CNTN5: variants seen among roughly 807,000 people sequenced by gnomAD.
The protein encoded by CNTN5 is contactin 5, also known as contactin-5.
CNTN5 carries 77 observed loss-of-function variants against 129.1 expected under a neutral mutation model. The observed-to-expected ratio is 0.60, with a 90% CI of 0.50 to 0.72. The LOEUF is 0.72. CNTN5 is among the 30% of genes least tolerant of loss of function. The pLI is 0.00. For missense variants in CNTN5, 1,478 were observed against 1,328.8 expected, an observed-to-expected ratio of 1.11 and a Z score of -1.75; for synonymous variants, 509 against 465.6, an observed-to-expected ratio of 1.09 and a Z score of -1.20.
intron 20 of CNTN5, among the ~76,000 whole-genome samples, chr11:100,306,120 GTCAT>G (rs1455065194): frequency 6.6e-6 from 1 of 151,476 alleles, no homozygotes; most frequent in Non-Finnish European, 1.5e-5. Flanking sequence ...TTGATTCACT[GTCAT>G]TCAGTTATAT....
chr11:99,902,165 T>C (rs746786079), intron 6 of CNTN5, among the ~76,000 whole-genome samples: 1 of 152,030 alleles, frequency 6.6e-6, no homozygotes. Context: ...ATTAGTAACC[T>C]TTTCTACTCC....
chr11:99,423,118 CAT>C (rs1368072947), intron 2 of CNTN5, among the ~76,000 whole-genome samples: 1 of 152,142 alleles, frequency 6.6e-6, no homozygotes. Flanking sequence ...CATATCATTA[CAT>C]ATGTCTTTTC....
At chr11:99,142,375 C>A (rs1464739546) in intron 1 of CNTN5, among the ~76,000 whole-genome samples, 3 of 151,976 alleles carry the variant, frequency 2.0e-5, no homozygotes, top group African/African-American at 7.3e-5. Context: ...TGAGTGCATG[C>A]CGGCAAAGCA....
rs533282740 is a variant in CNTN5, at chr11:99,724,490, A to T, written c.56-95054A>T. On this transcript the variant is annotated intron_variant, in intron 3 of 24. Coordinates refer to ENST00000524871, the MANE Select transcript of CNTN5 (RefSeq NM_014361.4). ...AGTCTTGGAGTGCTCAATGCCAAAC[A>T]TTGTTCTAAGCCATTACATATGTTA... Among the ~76,000 whole-genome samples the T allele has an allele frequency of 2.6e-5, 4 of 152,290 alleles. No individual in the cohort carries two copies. The East Asian group carries it at 7.7e-4, about 29-fold the overall frequency.
chr11:100,188,974 G>A (rs148744906), intron 13 of CNTN5, among the ~76,000 whole-genome samples: 6 of 152,146 alleles, frequency 3.9e-5, no homozygotes, highest in East Asian at 1.9e-4. Flanking sequence ...GAATTAACAC[G>A]GCAACAGAAA....
chr11:99,757,148 T>C (rs370236508), intron 3 of CNTN5, among the ~76,000 whole-genome samples: 3 of 152,044 alleles, frequency 2.0e-5, no homozygotes, highest in East Asian at 1.9e-4. Flanking sequence ...CATTCGTTTC[T>C]CTTAGCTTCT....
chr11:100,096,424 A>G lies in CNTN5; in HGVS notation c.1580+22130A>G, dbSNP rs377348981. 7.2e-5 allele frequency among the ~76,000 whole-genome samples: 11 copies of G among 152,030 alleles called. No homozygotes were observed. The East Asian group carries it at 1.2e-3, about 16-fold the overall frequency. On this transcript the variant is annotated intron_variant, in intron 13 of 24. Transcript: ENST00000524871. Reference sequence around the variant, plus strand: ...CACTGATATATACCCGTATTCTGGGATAGTCCGTCTACTCGCACCTTTTGC... The same window carrying G: ...CACTGATATATACCCGTATTCTGGGGTAGTCCGTCTACTCGCACCTTTTGC...
chr11:100,208,115 CTGTAACT>C (rs545136879), intron 15 of CNTN5, among the ~76,000 whole-genome samples: 13 of 152,072 alleles, frequency 8.5e-5, no homozygotes, highest in Non-Finnish European at 1.5e-4. Context: ...TGCTCATCTG[CTGTAACT>C]ATAGGAAAGG....
intron 1 of CNTN5, among the ~76,000 whole-genome samples, chr11:99,176,252 C>A (rs1857766812): frequency 6.6e-6 from 1 of 152,042 alleles, no homozygotes. Context: ...CTGTCCCAGA[C>A]CGAGAGGTTA....
intron 3 of CNTN5, among the ~76,000 whole-genome samples, chr11:99,689,304 G>A (rs991145432): frequency 2.0e-5 from 3 of 151,964 alleles, no homozygotes; most frequent in Non-Finnish European, 4.4e-5. Flanking sequence ...AAGGCGGGCA[G>A]ATCACAAGGT....
At chr11:99,760,906 T>C (rs543920339) in intron 3 of CNTN5, among the ~76,000 whole-genome samples, 1 of 152,258 alleles carries the variant, frequency 6.6e-6, no homozygotes, top group South Asian at 2.1e-4. Context: ...CATCACTGTA[T>C]ATAATTTTTT....
intron 2 of CNTN5, among the ~76,000 whole-genome samples, chr11:99,517,835 A>G (rs1947116664): frequency 6.6e-6 from 1 of 152,030 alleles, no homozygotes; most frequent in African/African-American, 2.4e-5. Flanking sequence ...TTTTTCTTTG[A>G]TCGTTAGTCT....
chr11:99,165,176 AGTT>A (rs1032978084), intron 1 of CNTN5, among the ~76,000 whole-genome samples: 11 of 152,338 alleles, frequency 7.2e-5, no homozygotes, highest in African/African-American at 2.6e-4. Flanking sequence ...TAAATCTGAT[AGTT>A]GTTGTGATTG....
chr11:99,092,234 A>G (rs1034505301), intron 1 of CNTN5, among the ~76,000 whole-genome samples: 1 of 152,134 alleles, frequency 6.6e-6, no homozygotes, highest in Non-Finnish European at 1.5e-5. Context: ...TTTATCTTAG[A>G]AAAGTTAATC....
chr11:99,840,145 T>C (rs141473656), intron 4 of CNTN5, among the ~76,000 whole-genome samples: 2 of 152,292 alleles, frequency 1.3e-5, no homozygotes, highest in East Asian at 3.9e-4. Flanking sequence ...TACTTCACCA[T>C]GGTAATGTCC....
At chr11:99,676,656 G>A (rs1017812757) in intron 3 of CNTN5, among the ~76,000 whole-genome samples, 3 of 151,856 alleles carry the variant, frequency 2.0e-5, no homozygotes, top group African/African-American at 7.3e-5. Context: ...TAAGAAAAAA[G>A]AACTTAAGAA....
chr11:99,618,875 T>A (rs1950841461), intron 3 of CNTN5, among the ~76,000 whole-genome samples: 1 of 152,084 alleles, frequency 6.6e-6, no homozygotes, highest in Non-Finnish European at 1.5e-5. Flanking sequence ...AAATTAAAAA[T>A]AAAAAATTTA....
intron 2 of CNTN5, among the ~76,000 whole-genome samples, chr11:99,361,613 A>C (rs1010100832): frequency 6.6e-6 from 1 of 152,122 alleles, no homozygotes; most frequent in Admixed American, 6.6e-5. Context: ...TTCCAAACAG[A>C]AACCGTGTCC....
intron 6 of CNTN5, among the ~76,000 whole-genome samples, chr11:99,895,978 C>T (rs1030325429): frequency 2.6e-5 from 4 of 152,210 alleles, no homozygotes; most frequent in African/African-American, 9.6e-5. Flanking sequence ...AGGTGGGACT[C>T]ACTGGCTTGG....
Sources: allele counts gnomAD v4.1 joint callset (sites outside exome capture counted in the v4.1 genomes callset), GRCh38; gene constraint gnomAD v4.1.1; transcripts MANE v1.5; gene names NCBI Gene and HGNC (gene_info 2026-07-23, HGNC 2026-07-21).